Variants in ADAMTS10 observed in about 807,000 individuals in gnomAD.
The protein encoded by ADAMTS10 is ADAM metallopeptidase with thrombospondin type 1 motif 10.
A neutral mutation model predicts 135.9 loss-of-function variants in ADAMTS10; 48 were observed. That is an observed-to-expected ratio of 0.35 (90% CI 0.28 to 0.45). The LOEUF is 0.45. Ranked by LOEUF, ADAMTS10 falls within the 20% of genes least tolerant of loss-of-function variation. The probability of loss-of-function intolerance (pLI) is 1.00; values close to 1 mark genes in which losing one functional copy is unlikely to be tolerated. For synonymous variants in ADAMTS10, 621 were observed against 647.5 expected (o/e 0.96, Z 0.62); for missense variants, 1,131 against 1,565.2 (o/e 0.72, Z 4.68).
intron 6 of ADAMTS10, among the ~76,000 whole-genome samples, chr19:8,600,430 A>T (rs1180981340): frequency 3.4e-5 from 5 of 145,584 alleles, no homozygotes; most frequent in East Asian, 2.1e-4. Context: ...CTACCTACCT[A>T]CCTTCCTTCC....
rs906305048 is a variant in ADAMTS10, at chr19:8,592,916, C to T, written c.1480-46G>A. Reference sequence around the variant, plus strand: ...TCAGGCTCGCCCCCCTCCCTTCCTCCCTGGGGCAGCCCGCCCGGCTTGGGA... The same window carrying T: ...TCAGGCTCGCCCCCCTCCCTTCCTCTCTGGGGCAGCCCGCCCGGCTTGGGA... On this transcript the variant is annotated intron_variant, in intron 12 of 25. Transcript: ENST00000597188. The T allele has an allele frequency of 3.8e-6, 6 of 1,559,070 alleles. No homozygotes were observed. In the South Asian group the frequency reaches 4.6e-5, roughly 12 times the overall value.
intron 16 of ADAMTS10, 107 bp from the exon 17 acceptor site, chr19:8,589,692 A>G: frequency 2.6e-6 from 4 of 1,555,686 alleles, no homozygotes; most frequent in Non-Finnish European, 2.6e-6. Context: ...CCCAAGAGGA[A>G]GGGCAGCTTG....
Position 8,587,652 on chromosome 19 carries a change from G to T in ADAMTS10, c.2159-756C>A, listed in dbSNP as rs1024842118. ...CCCGCCTAATTAAAAGAATTTTGTA[G>T]CCGGGCACAGTGGTCACGCCTATAA... On this transcript the variant is annotated intron_variant, in intron 18 of 25. Coordinates refer to ENST00000597188, the MANE Select transcript of ADAMTS10 (RefSeq NM_030957.4). 3.3e-5 allele frequency among the ~76,000 whole-genome samples: 5 copies of T among 152,012 alleles called. No individual in the cohort carries two copies. In the East Asian group the frequency reaches 9.7e-4, roughly 30 times the overall value.
At chr19:8,587,004 A>T in intron 18 of ADAMTS10, 108 bp from the exon 19 acceptor site, 1 of 1,150,472 alleles carries the variant, frequency 8.7e-7, no homozygotes, top group South Asian at 1.3e-5. Flanking sequence ...TGCGCTAAAC[A>T]CACATCTAAC....
At chr19:8,594,106 T>A (rs2042576327) in intron 12 of ADAMTS10, among the ~76,000 whole-genome samples, 1 of 152,206 alleles carries the variant, frequency 6.6e-6, no homozygotes, top group Admixed American at 6.5e-5. Flanking sequence ...CCTGTCGCAA[T>A]CCCACTTCTG....
At chr19:8,607,446 C>T (rs1189513401) in intron 2 of ADAMTS10, among the ~76,000 whole-genome samples, 2 of 152,180 alleles carry the variant, frequency 1.3e-5, no homozygotes, top group Admixed American at 6.5e-5. Context: ...CAGCATCTGC[C>T]CCAGGCCAGC....
At position 8,590,011 on chromosome 19, in the gene ADAMTS10, G is replaced by C. The variant is rs2146057450; in HGVS notation, c.1798-20C>G. On this transcript the variant is annotated intron_variant, in intron 15 of 25. Coordinates refer to ENST00000597188, the MANE Select transcript of ADAMTS10 (RefSeq NM_030957.4). The stretch of plus-strand genomic sequence containing the variant: ...ACAGTCCTGGGGGCAGGAGAGGAGA[G>C]ATGGAGGGAGGCCAGGCTTGGGGGG... 1 of 1,585,006 alleles carries C rather than the reference G, an allele frequency of 6.3e-7. No homozygotes were observed. The highest frequency in any genetic ancestry group is 1.3e-5 in the African/African-American group (1 of 74,374).
chr19:8,591,604 G>A (rs1307421682), intron 15 of ADAMTS10, among the ~76,000 whole-genome samples, 196 bp downstream of exon 15: 15 of 152,020 alleles, frequency 9.9e-5, no homozygotes, highest in African/African-American at 3.6e-4. Context: ...ACCACGCCCA[G>A]CTAATTTTTG....
chr19:8,600,916 G>A lies in ADAMTS10; in HGVS notation c.810+12C>T. ...CTCAGGGCTGCGTGCCCAGGGAGGG[G>A]AAGGCACTTACAATGTTCATGATGG... is the stretch of plus-strand genomic sequence containing the variant. On this transcript the variant is annotated intron_variant, in intron 6 of 25. Transcript: ENST00000597188. The A allele has an allele frequency of 6.2e-7, 1 of 1,614,024 alleles. No homozygotes were observed.
At chr19:8,597,954 C>T (rs192478230) in intron 6 of ADAMTS10, among the ~76,000 whole-genome samples, 2 of 152,068 alleles carry the variant, frequency 1.3e-5, no homozygotes, top group African/African-American at 4.8e-5. Context: ...CAGGCGTGAG[C>T]CACCGTGCCC....
chr19:8,594,923 A>T (rs2042584823), intron 12 of ADAMTS10, among the ~76,000 whole-genome samples: 1 of 152,138 alleles, frequency 6.6e-6, no homozygotes, highest in South Asian at 2.1e-4. Flanking sequence ...GTGAAATAGA[A>T]ATTGTTCCAG....
chr19:8,606,226 A>T (rs1324974978), intron 2 of ADAMTS10, among the ~76,000 whole-genome samples: 2 of 152,080 alleles, frequency 1.3e-5, no homozygotes, highest in African/African-American at 4.8e-5. Flanking sequence ...ACACCTGGCT[A>T]ATGTTTTTGT....
In ADAMTS10 at chr19:8,586,808, C is replaced by G. The variant is rs782178710; in HGVS notation, c.2239+8G>C. On this transcript the variant is annotated splice_region_variant and intron_variant, in intron 19 of 25. Coordinates refer to ENST00000597188, the MANE Select transcript of ADAMTS10 (RefSeq NM_030957.4). ...CTAATCCTCATCCCCTCCCCACCAT[C>G]TGCTCACCCAAGTGACTGAGAGAGA... 2.5e-6 allele frequency: 4 copies of G among 1,614,176 alleles called. No homozygotes were observed. The highest frequency in any genetic ancestry group is 8.5e-7 in the Non-Finnish European group (1 of 1,180,034).
chr19:8,591,687 G>T, intron 15 of ADAMTS10, 113 bp downstream of exon 15: 4 of 1,275,718 alleles, frequency 3.1e-6, no homozygotes, highest in Non-Finnish European at 4.5e-6. Flanking sequence ...TGATCCGCCT[G>T]CCTTGGCCTC....
At chr19:8,595,143 C>A (rs1555739856) in intron 12 of ADAMTS10, among the ~76,000 whole-genome samples, 1 of 152,114 alleles carries the variant, frequency 6.6e-6, no homozygotes, top group Non-Finnish European at 1.5e-5. Flanking sequence ...AGAGGAGGAG[C>A]AGATCCTGGC....
intron 4 of ADAMTS10, 179 bp downstream of exon 4, chr19:8,604,833 C>A: frequency 1.4e-6 from 1 of 707,944 alleles, no homozygotes. Context: ...TCAGCCTTAC[C>A]TAAGGCTATA....
At position 8,601,084 on chromosome 19, in the gene ADAMTS10, C is replaced by A. The variant is rs782467411; in HGVS notation, c.654G>T (p.Arg218Ser). The change falls in exon 6 of 26, where the codon AGG becomes AGT. Residue 218 changes from arginine (R) to serine (S), a missense_variant. Arg to Ser is a moderately radical substitution (Grantham distance 110, BLOSUM62 -1). Transcript: ENST00000597188. The surrounding 1 kb of genome is among the most constrained non-coding windows in gnomAD (Gnocchi z 4.6). The part of the protein sequence containing the change: ...WLRTLKPPPA[R>S]PLGNETERGQ... The stretch of plus-strand genomic sequence containing the variant: ...CACGCTCTGTTTCATTCCCCAGGGG[C>A]CTGGCAGGCGGTGGCTTCAAGGTCC... The A allele has an allele frequency of 1.9e-6, 3 of 1,614,128 alleles. No homozygotes were observed. The highest frequency in any genetic ancestry group is 2.2e-5 in the South Asian group (2 of 91,092).
chr19:8,607,851 G>A (rs896887666), intron 2 of ADAMTS10, among the ~76,000 whole-genome samples: 4 of 147,642 alleles, frequency 2.7e-5, no homozygotes, highest in African/African-American at 7.5e-5. Flanking sequence ...TCACTCTGTC[G>A]CCAGGGTGGA....
intron 16 of ADAMTS10, 70 bp from the exon 17 acceptor site, chr19:8,589,655 G>A: frequency 1.2e-6 from 2 of 1,602,828 alleles, no homozygotes; most frequent in East Asian, 2.2e-5. Context: ...CCCTGGGGGA[G>A]TGAGGCCAAG....
Sources: allele counts gnomAD v4.1 joint callset (sites outside exome capture counted in the v4.1 genomes callset), GRCh38; gene constraint gnomAD v4.1.1; non-coding constraint Gnocchi (gnomAD v3.1); transcripts MANE v1.5; gene names NCBI Gene and HGNC (gene_info 2026-07-23, HGNC 2026-07-21).